PPP2R3B: variants seen among roughly 807,000 people sequenced by gnomAD.
The protein encoded by PPP2R3B is serine/threonine-protein phosphatase 2A regulatory subunit B'' subunit beta.
Under a neutral mutation model 72.9 loss-of-function variants are expected in PPP2R3B, and 68 were observed. The ratio of observed to expected loss-of-function variants is 0.93; its 90% CI spans 0.77 to 1.14. The LOEUF is 1.14. PPP2R3B is among the 50% of genes most tolerant of loss of function. The pLI, the probability that PPP2R3B is intolerant of heterozygous loss-of-function variation, is 0.00. For missense variants in PPP2R3B, 1,018 were observed against 842.0 expected (o/e 1.21, Z -2.59); for synonymous variants, 466 against 375.8 (o/e 1.24, Z -2.78).
intron 1 of PPP2R3B, among the ~76,000 whole-genome samples, chrX:370,382 C>T (rs2071832283): frequency 1.3e-5 from 2 of 152,184 alleles, no homozygotes; most frequent in Non-Finnish European, 2.9e-5. Context: ...CCCACACCTG[C>T]AGCCCAGGCA....
intron 1 of PPP2R3B, among the ~76,000 whole-genome samples, chrX:364,318 G>T (rs1345682926): frequency 6.6e-6 from 1 of 152,112 alleles, no homozygotes; most frequent in East Asian, 1.9e-4. Flanking sequence ...GAGAACTGAC[G>T]GCTACAGCCG....
rs768980401 is a variant in PPP2R3B at position 367,027 on chromosome X, C to CAAA, written c.325-5440_325-5438dup. Among the ~76,000 whole-genome samples the CAAA allele has an allele frequency of 3.3e-3, 459 of 139,802 alleles. 4 individuals carry two copies. The highest frequency in any genetic ancestry group is 0.011 in the African/African-American group (413 of 36,802). 91.7% of individuals were successfully genotyped at this position (139,802 alleles called of 152,430 possible). On this transcript the variant is annotated intron_variant, in intron 1 of 12. Coordinates refer to ENST00000390665, the MANE Select transcript of PPP2R3B (RefSeq NM_013239.5). ...TGGGTGACAGAGTGAGACTCTGTCTCAAAAAAAAAAAAGTGAGATGAATAC... is the reference window on the plus strand; with the variant it reads ...TGGGTGACAGAGTGAGACTCTGTCTCAAAAAAAAAAAAAAAGTGAGATGAATAC...
At chrX:382,196 CTTTTTTT>C (rs769206203) in intron 1 of PPP2R3B, among the ~76,000 whole-genome samples, 5 of 130,074 alleles carry the variant, frequency 3.8e-5, no homozygotes, top group South Asian at 2.5e-4. Flanking sequence ...CTTTTTTTTT[CTTTTTTT>C]TTTTTTTTTG....
chrX:363,429 G>T (rs866635403), intron 1 of PPP2R3B, among the ~76,000 whole-genome samples: 1 of 1,604 alleles, frequency 6.2e-4, no homozygotes, highest in Non-Finnish European at 1.8e-3. Context: ...CCCCGAGCCC[G>T]CGATCCCACA....
chrX:335,469 G>A (rs1002076398), intron 12 of PPP2R3B: 3 of 152,286 alleles, frequency 2.0e-5, no homozygotes, highest in African/African-American at 4.8e-5. Context: ...GTGGGCCGCA[G>A]GGGCCCTGTG....
chrX:363,591 C>A (rs1258660868), intron 1 of PPP2R3B, among the ~76,000 whole-genome samples: 3 of 148,280 alleles, frequency 2.0e-5, no homozygotes, highest in Admixed American at 6.7e-5. Context: ...CACAATGCAT[C>A]TCCCCGTGCC....
chrX:340,350 G>A (rs28520454), intron 10 of PPP2R3B, among the ~76,000 whole-genome samples: 31,707 of 122,210 alleles, frequency 0.26, 5,158 homozygotes, highest in East Asian at 0.32. Context: ...CCCCGAATAG[G>A]AGGTTCTTGC....
intron 7 of PPP2R3B, chrX:345,175 G>C: frequency 1.8e-6 from 1 of 556,682 alleles, no homozygotes; most frequent in South Asian, 1.5e-5. Context: ...GCTCCTGAGG[G>C]AAGGCGTGTG....
chrX:334,370 C>A lies in PPP2R3B; in HGVS notation c.1725G>T (p.Leu575=), dbSNP rs200714979. ...YACGDEDLEP[L] ...GGCGGCGTTCTCGCGGGCGGCGTCA[C>A]AGCGGCTCCAGGTCCTCGTCCCCGC... The change falls in exon 13 of 13, where the codon CTG becomes CTT. Residue 575 remains leucine, a synonymous_variant. Coordinates refer to ENST00000390665, the MANE Select transcript of PPP2R3B (RefSeq NM_013239.5). 6 of 1,505,648 alleles carry A rather than the reference C, an allele frequency of 4.0e-6. No homozygotes were observed. The South Asian group carries it at 7.5e-5, about 19-fold the overall frequency. 93.3% of individuals were successfully genotyped at this position (1,505,648 alleles called of 1,614,324 possible).
intron 8 of PPP2R3B, 112 bp downstream of exon 8, chrX:341,771 G>T (rs1363118294): frequency 1.0e-5 from 12 of 1,191,286 alleles, no homozygotes; most frequent in African/African-American, 1.5e-5. Flanking sequence ...GGCCTGGGGT[G>T]ACAACCACTC....
At chrX:353,188 A>C (rs1263907705) in intron 2 of PPP2R3B, among the ~76,000 whole-genome samples, 5 of 152,066 alleles carry the variant, frequency 3.3e-5, no homozygotes, top group Non-Finnish European at 7.3e-5. Flanking sequence ...AGCATGGCCA[A>C]CATGGTGAAA....
chrX:356,256 C>T (rs1433110097), intron 2 of PPP2R3B, among the ~76,000 whole-genome samples: 1 of 152,184 alleles, frequency 6.6e-6, no homozygotes, highest in East Asian at 1.9e-4. Context: ...TGCTCAGTCG[C>T]CCAGGCTGGA....
chrX:363,346 T>A (rs2071588010), intron 1 of PPP2R3B, among the ~76,000 whole-genome samples: 5 of 134,158 alleles, frequency 3.7e-5, no homozygotes, highest in East Asian at 2.4e-4. Context: ...GAGCCCACCA[T>A]CCCGCAGTGC....
intron 7 of PPP2R3B, chrX:345,192 C>A: frequency 3.4e-6 from 2 of 589,246 alleles, no homozygotes; most frequent in Non-Finnish European, 6.4e-6. Context: ...TGTGGCCTGC[C>A]CGCCCTTGCT....
rs748181636 is a variant in PPP2R3B at position 345,640 on chromosome X, G to T, written c.912C>A (p.Ile304=). 2.5e-6 allele frequency: 4 copies of T among 1,613,078 alleles called. No homozygotes were observed. The highest frequency in any genetic ancestry group is 2.5e-6 in the Non-Finnish European group (3 of 1,179,524). Reference sequence around the variant, plus strand: ...ACGAGAAGAATTCGGTCAGCTGGTTGATGTCCGCCTCCTCCTCCAGCAGCG... The same window carrying T: ...ACGAGAAGAATTCGGTCAGCTGGTTTATGTCCGCCTCCTCCTCCAGCAGCG... ...NVALLEEEAD[I]NQLTEFFSYE... The change falls in exon 7 of 13, where the codon ATC becomes ATA. Residue 304 remains isoleucine (I), a synonymous_variant. Transcript: ENST00000390665.
rs1055385541 is a variant in PPP2R3B at position 364,573 on chromosome X, C to G, written c.325-2983G>C. 5.3e-5 allele frequency among the ~76,000 whole-genome samples: 8 copies of G among 150,968 alleles called. 1 individual carries two copies. The highest frequency in any genetic ancestry group is 8.8e-5 in the Non-Finnish European group (6 of 67,822). On this transcript the variant is annotated intron_variant, in intron 1 of 12. Transcript: ENST00000390665. ...ACAAAAAGAGTATAAAAAAAATTAG[C>G]CGGGTGTGGTGGAGGGTGCCTGTAC...
chrX:346,186 GCTC>G lies in PPP2R3B; in HGVS notation c.864_866del (p.Arg288del), dbSNP rs1290969146. Reference sequence around the variant, plus strand: ...GGCCGCTCCGCACCTGCAGGAAGGAGCTCCTCCGCAGCTCGGCGCAGGTGATCC... The same window carrying G: ...GGCCGCTCCGCACCTGCAGGAAGGAGCTCCGCAGCTCGGCGCAGGTGATCC... On this transcript the variant is annotated inframe_deletion, in exon 6 of 13. Coordinates refer to ENST00000390665, the MANE Select transcript of PPP2R3B (RefSeq NM_013239.5). 2 of 1,560,878 alleles carry G rather than the reference GCTC, an allele frequency of 1.3e-6. No individual in the cohort carries two copies. The highest frequency in any genetic ancestry group is 1.7e-6 in the Non-Finnish European group (2 of 1,155,318).
rs1040884663 is a variant in PPP2R3B, at chrX:334,080, G to C, written c.*287C>G. The C allele has an allele frequency of 6.9e-5, 23 of 334,430 alleles. No homozygotes were observed. The highest frequency in any genetic ancestry group is 1.1e-4 in the Non-Finnish European group (21 of 185,126). The allele number at this position is 334,430 out of a possible 1,614,324, so 20.7% of individuals were successfully genotyped here. On this transcript the variant is annotated 3_prime_UTR_variant, in exon 13 of 13. Coordinates refer to ENST00000390665, the MANE Select transcript of PPP2R3B (RefSeq NM_013239.5). ...TGTGCGCACACGGACCCTTTCCACA[G>C]ACGCAGGCCCCGGAACCCAGGCTGG...
intron 8 of PPP2R3B, 35 bp from the exon 9 acceptor site, chrX:341,431 C>T (rs973311328): frequency 5.0e-6 from 8 of 1,603,692 alleles, no homozygotes; most frequent in East Asian, 2.2e-5. Context: ...GACGAAGATG[C>T]ATGTCAGGGA....
Sources: allele counts gnomAD v4.1 joint callset (sites outside exome capture counted in the v4.1 genomes callset), GRCh38; gene constraint gnomAD v4.1.1; transcripts MANE v1.5; gene names NCBI Gene and HGNC (gene_info 2026-07-23, HGNC 2026-07-21).